FGA: variants seen among roughly 807,000 people sequenced by gnomAD.
The protein encoded by FGA is fibrinogen, A alpha polypeptide.
FGA carries 20 observed loss-of-function variants against 20.3 expected under a neutral mutation model. That is an observed-to-expected ratio of 0.99 (90% CI 0.69 to 1.43). The LOEUF is 1.43. Among genes scored for constraint, FGA ranks in the 40% most tolerant of loss-of-function variants. The pLI, the probability that FGA is intolerant of heterozygous loss-of-function variation, is 0.00. For synonymous variants in FGA, 306 were observed against 281.6 expected (o/e 1.09, Z -0.87); for missense variants, 777 against 784.7 (o/e 0.99, Z 0.12).
downstream of FGA, chr4:154,585,171 C>T: frequency 8.7e-7 from 1 of 1,146,092 alleles, no homozygotes; most frequent in Non-Finnish European, 1.1e-6. Flanking sequence ...AACTGAGACA[C>T]ATACTAAAAA....
chr4:154,583,468 G>A, downstream of FGA: 1 of 152,044 alleles, frequency 6.6e-6, no homozygotes, highest in East Asian at 1.9e-4. Flanking sequence ...AATTTTAAAT[G>A]TGTTTTAGAA....
At position 154,586,721 on chromosome 4, in the gene FGA, AT is replaced by A; in HGVS notation, c.707del (p.Asn236IlefsTer16). ...MKPVPDLVPG[N>X]FKSQLQKVPP... ...GTACCTTCTGAAGCTGGCTCTTAAA[AT>A]TTCCGGGAACCAAGTCTGGAACTGG... On this transcript the variant is annotated frameshift_variant, in exon 5 of 5. Transcript: ENST00000403106. LOFTEE classifies it low-confidence loss of function (END_TRUNC). The A allele has an allele frequency of 6.2e-7, 1 of 1,614,160 alleles. No individual in the cohort carries two copies. The highest frequency in any genetic ancestry group is 1.1e-5 in the South Asian group (1 of 91,086).
intron 3 of FGA, 102 bp from the exon 4 acceptor site, chr4:154,587,759 G>GAAAGAAAGAAAGAAAT (rs1441551036): frequency 1.9e-6 from 1 of 539,844 alleles, no homozygotes; most frequent in Non-Finnish European, 3.2e-6. Flanking sequence ...AAGAAAGAAA[G>GAAAGAAAGAAAGAAAT]AAAGAAAGAA....
chr4:154,587,453 G>T lies in FGA; in HGVS notation c.510+59C>A. On this transcript the variant is annotated intron_variant, in intron 4 of 4. Transcript: ENST00000403106. ...AGTAGACACTCAGTGCATAACTATC[G>T]CCTTCCTTTTCCCTCTACTCAGAAA... 5.4e-6 allele frequency: 8 copies of T among 1,473,520 alleles called. No individual in the cohort carries two copies. In the South Asian group the frequency reaches 6.8e-5, roughly 13 times the overall value. The allele number at this position is 1,473,520 out of a possible 1,614,324, so 91.3% of individuals were successfully genotyped here.
At chr4:154,583,383 G>A (rs1730632968), downstream of FGA, 1 of 152,100 alleles carries the variant, frequency 6.6e-6, no homozygotes, top group Non-Finnish European at 1.5e-5. Flanking sequence ...GAAAAATGAA[G>A]TTAAATCAAT....
At chr4:154,584,270 C>T, downstream of FGA, 1 of 1,614,120 alleles carries the variant, frequency 6.2e-7, no homozygotes, top group Non-Finnish European at 8.5e-7. Context: ...TAGTAGATTC[C>T]ATTGAGATTG....
At position 154,586,169 on chromosome 4, in the gene FGA, T is replaced by G; in HGVS notation, c.1260A>C (p.Val420=). 6.2e-7 allele frequency: 1 copy of G among 1,614,180 alleles called. No individual in the cohort carries two copies. Among genetic ancestry groups the G allele is most frequent in the Non-Finnish European group, 8.5e-7 (1 of 1,180,028 alleles). Residue 420 remains valine, a synonymous_variant, in exon 5 of 5, where the codon GTA becomes GTC. Coordinates refer to ENST00000403106, the MANE Select transcript of FGA (RefSeq NM_021871.4). ...WGTFEEVSGN[V]SPGTRREYHT... ...GGTACTCTCTCCTTGTCCCTGGACTTACATTTCCTGACACCTCTTCAAATG... is the reference window on the plus strand; with the variant it reads ...GGTACTCTCTCCTTGTCCCTGGACTGACATTTCCTGACACCTCTTCAAATG...
At chr4:154,584,714 CT>C, downstream of FGA, 1 of 1,614,102 alleles carries the variant, frequency 6.2e-7, no homozygotes, top group Non-Finnish European at 8.5e-7. Context: ...AAAAGCCATC[CT>C]CCCAAACTGG....
Position 154,585,783 on chromosome 4 carries a change from G to A in FGA, c.1646C>T (p.Ser549Leu). Residue 549 changes from serine (S) to leucine (L), a missense_variant, in exon 5 of 5, where the codon TCA becomes TTA. By Grantham distance (145) the Ser-to-Leu change is moderately radical. Transcript: ENST00000403106. Reference protein sequence around the residue: ...EFVSETESRGSESGIFTNTKE... With the variant: ...EFVSETESRGLESGIFTNTKE... Reference sequence around the variant, plus strand: ...TGTATTTGTGAAGATGCCAGATTCTGAGCCCCTAGACTCAGTCTCACTGAC... The same window carrying A: ...TGTATTTGTGAAGATGCCAGATTCTAAGCCCCTAGACTCAGTCTCACTGAC... The A allele has an allele frequency of 3.1e-6, 5 of 1,614,138 alleles. No individual in the cohort carries two copies. The highest frequency in any genetic ancestry group is 4.2e-6 in the Non-Finnish European group (5 of 1,180,010).
downstream of FGA, chr4:154,583,653 T>A (rs1730638650): frequency 6.3e-6 from 1 of 157,800 alleles, no homozygotes; most frequent in African/African-American, 2.4e-5. Flanking sequence ...TGCATTGTAA[T>A]TATAAGTTGT....
downstream of FGA, chr4:154,583,296 T>C (rs535249952): frequency 1.3e-5 from 2 of 152,322 alleles, no homozygotes; most frequent in Admixed American, 1.3e-4. Context: ...TAGATCATAC[T>C]TAGTGAGAGG....
At chr4:154,590,229 G>T (rs1165351725) in intron 1 of FGA, among the ~76,000 whole-genome samples, 1 of 152,134 alleles carries the variant, frequency 6.6e-6, no homozygotes, top group Non-Finnish European at 1.5e-5. Context: ...GCTTATTATG[G>T]ACAAGTAGCA....
At chr4:154,589,341 C>G in intron 2 of FGA, 96 bp downstream of exon 2, 1 of 1,442,790 alleles carries the variant, frequency 6.9e-7, no homozygotes, top group Non-Finnish European at 9.7e-7. Flanking sequence ...CAATTATTTT[C>G]TATTTAAAAA....
rs764281241 is a variant in FGA at position 154,588,898 on chromosome 4, T to G, written c.259A>C (p.Lys87Gln). The G allele has an allele frequency of 6.2e-7, 1 of 1,612,590 alleles. No individual in the cohort carries two copies. The change falls in exon 3 of 5, where the codon AAG becomes CAG. Residue 87 changes from lysine (K) to glutamine (Q), a missense_variant. Coordinates refer to ENST00000403106, the MANE Select transcript of FGA (RefSeq NM_021871.4). ...VNQDFTNRINKLKNSLFEYQK... is the reference protein window; with the variant it reads ...VNQDFTNRINQLKNSLFEYQK... ...TATTCAAATAGTGAATTTTTGAGCTTATTTATTCTGTTTGTAAAATCTTGA... is the reference window on the plus strand; with the variant it reads ...TATTCAAATAGTGAATTTTTGAGCTGATTTATTCTGTTTGTAAAATCTTGA...
downstream of FGA, chr4:154,584,099 G>GTGCTCCCATTCCCACTTCGAAGACAGAT: frequency 1.9e-6 from 3 of 1,556,002 alleles, no homozygotes; most frequent in Non-Finnish European, 2.7e-6. Flanking sequence ...AGAAGACAGA[G>GTGCTCCCATTCCCACTTCGAAGACAGAT]TGCTCCCATT....
chr4:154,588,997 T>A, intron 2 of FGA, 21 bp from the exon 3 acceptor site: 3 of 1,590,134 alleles, frequency 1.9e-6, no homozygotes, highest in Non-Finnish European at 2.6e-6. Context: ...AGGGAGAAAA[T>A]TACAGTAAGG....
chr4:154,587,779 GAAAGAAAGAA>G, intron 3 of FGA, 122 bp from the exon 4 acceptor site: 2 of 687,122 alleles, frequency 2.9e-6, no homozygotes, highest in Non-Finnish European at 4.9e-6. Context: ...AAGAAAGAAA[GAAAGAAAGAA>G]AGAAAGAAAG....
At position 154,585,393 on chromosome 4, in the gene FGA, A is replaced by T; in HGVS notation, c.*101T>A. ...CCCAAGGAACTTACAGTCTAGCACA[A>T]AAACAGACCAAAAAAGTGTAGTTTC... On this transcript the variant is annotated 3_prime_UTR_variant, in exon 5 of 5. Transcript: ENST00000403106. 1 of 1,112,990 alleles carries T rather than the reference A, an allele frequency of 9.0e-7. No individual in the cohort carries two copies. Among genetic ancestry groups the T allele is most frequent in the Non-Finnish European group, 1.3e-6 (1 of 770,114 alleles). 68.9% of individuals were successfully genotyped at this position (1,112,990 alleles called of 1,614,324 possible). A position where few individuals can be genotyped will look rare whatever the true frequency, so the allele number is the denominator to read the frequency against.
rs1730822378 is a variant in FGA, at chr4:154,589,578, C to T, written c.55-16G>A. On this transcript the variant is annotated splice_polypyrimidine_tract_variant and intron_variant, in intron 1 of 4. Transcript: ENST00000403106. Reference sequence around the variant, plus strand: ...TATCTGCAGTCTTTAAAGATTCATTCACATACACAAAAGAGAGCAACAGCA... The same window carrying T: ...TATCTGCAGTCTTTAAAGATTCATTTACATACACAAAAGAGAGCAACAGCA... 3.7e-6 allele frequency: 6 copies of T among 1,611,518 alleles called. No individual in the cohort carries two copies. The highest frequency in any genetic ancestry group is 4.2e-6 in the Non-Finnish European group (5 of 1,179,904).
Sources: allele counts gnomAD v4.1 joint callset (sites outside exome capture counted in the v4.1 genomes callset), GRCh38; gene constraint gnomAD v4.1.1; transcripts MANE v1.5; gene names NCBI Gene and HGNC (gene_info 2026-07-23, HGNC 2026-07-21).